Variants in DMRT1 observed in about 807,000 individuals in gnomAD.
The protein encoded by DMRT1 is doublesex- and mab-3-related transcription factor 1.
A neutral mutation model predicts 32.3 loss-of-function variants in DMRT1; 7 were observed. The observed-to-expected ratio is 0.22, with a 90% CI of 0.12 to 0.41. The LOEUF is 0.41. DMRT1 is among the 10% of genes least tolerant of loss of function. DMRT1 has a pLI of 1.00. For synonymous variants in DMRT1, 278 were observed against 206.1 expected, an observed-to-expected ratio of 1.35 and a Z score of -2.99; for missense variants, 625 against 500.5, an observed-to-expected ratio of 1.25 and a Z score of -2.37.
intron 3 of DMRT1, among the ~76,000 whole-genome samples, chr9:913,700 G>T (rs1438952140): frequency 6.6e-6 from 1 of 151,550 alleles, no homozygotes; most frequent in African/African-American, 2.4e-5. Flanking sequence ...TTTGAGACCA[G>T]CCTAGGCAAC....
intron 2 of DMRT1, among the ~76,000 whole-genome samples, chr9:882,760 CTT>C (rs1010078425): frequency 2.7e-4 from 32 of 118,302 alleles, no homozygotes; most frequent in African/African-American, 3.2e-4. Flanking sequence ...TCCCCTGAAT[CTT>C]TTTTTTTTTT....
At chr9:896,986 T>C (rs1817392817) in intron 3 of DMRT1, among the ~76,000 whole-genome samples, 2 of 152,080 alleles carry the variant, frequency 1.3e-5, no homozygotes, top group Non-Finnish European at 2.9e-5. Context: ...TGGGATCTTT[T>C]GCTACCCTCA....
intron 4 of DMRT1, among the ~76,000 whole-genome samples, chr9:919,531 AC>A: frequency 6.6e-6 from 1 of 152,244 alleles, no homozygotes; most frequent in Non-Finnish European, 1.5e-5. Context: ...ATCCTGAAAA[AC>A]GTTAAGAGGG....
chr9:915,975 T>C (rs111480840), intron 3 of DMRT1, among the ~76,000 whole-genome samples: 30,494 of 152,074 alleles, frequency 0.2, 4,188 homozygotes, highest in African/African-American at 0.39. Flanking sequence ...CCTTGTGATC[T>C]GCCCATCTTG....
intron 4 of DMRT1, among the ~76,000 whole-genome samples, chr9:945,227 C>T (rs1015839382): frequency 4.6e-5 from 7 of 152,148 alleles, no homozygotes; most frequent in African/African-American, 1.7e-4. Flanking sequence ...AATCTCAGCT[C>T]ACTGCAACCT....
intron 3 of DMRT1, among the ~76,000 whole-genome samples, chr9:911,847 A>G (rs1818001803): frequency 6.6e-6 from 1 of 152,154 alleles, no homozygotes; most frequent in Admixed American, 6.5e-5. Context: ...TTAGAAACAC[A>G]TAGAACTGTC....
intron 2 of DMRT1, among the ~76,000 whole-genome samples, chr9:864,628 A>G (rs1815885106): frequency 6.6e-6 from 1 of 151,732 alleles, no homozygotes; most frequent in South Asian, 2.1e-4. Flanking sequence ...CCTCCTGAGC[A>G]GCTGGGACTA....
intron 2 of DMRT1, among the ~76,000 whole-genome samples, chr9:865,386 A>G (rs1359727040): frequency 6.6e-6 from 1 of 152,110 alleles, no homozygotes; most frequent in Non-Finnish European, 1.5e-5. Context: ...TCTATCTAGG[A>G]TATCTTGTAG....
At chr9:948,907 AATAAT>A (rs1819336867) in intron 4 of DMRT1, among the ~76,000 whole-genome samples, 1 of 35,378 alleles carries the variant, frequency 2.8e-5, no homozygotes, top group Non-Finnish European at 8.2e-5. Context: ...AATACAAAAT[AATAAT>A]AATAATAATA....
Position 958,298 on chromosome 9 carries a change from A to T in DMRT1, c.968-9687A>T, listed in dbSNP as rs191160068. Among the ~76,000 whole-genome samples the T allele has an allele frequency of 9.6e-4, 147 of 152,358 alleles. 1 individual carries two copies. The highest frequency in any genetic ancestry group is 1.4e-3 in the Admixed American group (22 of 15,306). On this transcript the variant is annotated intron_variant, in intron 4 of 4. Transcript: ENST00000382276. ...TTTATTTTCAAATTATAAGCTGCAA[A>T]TTCTATAAAATTCTACTTGAGAAAT...
intron 4 of DMRT1, among the ~76,000 whole-genome samples, chr9:923,806 A>G (rs1379061729): frequency 2.0e-5 from 3 of 152,236 alleles, no homozygotes; most frequent in Non-Finnish European, 2.9e-5. Flanking sequence ...TTTATGCAAC[A>G]TTTAGAAAAT....
intron 3 of DMRT1, among the ~76,000 whole-genome samples, chr9:903,703 G>T (rs1016084174): frequency 6.6e-6 from 1 of 152,170 alleles, no homozygotes; most frequent in South Asian, 2.1e-4. Context: ...CATTTTTGGA[G>T]TGTGTTTTGG....
chr9:861,040 A>G (rs1258602126), intron 2 of DMRT1, among the ~76,000 whole-genome samples: 8 of 141,442 alleles, frequency 5.7e-5, no homozygotes, highest in Non-Finnish European at 1.0e-4. Context: ...GGTGTGATCT[A>G]ATTTACTTTC....
At chr9:897,860 C>T (rs577346423) in intron 3 of DMRT1, among the ~76,000 whole-genome samples, 5 of 151,944 alleles carry the variant, frequency 3.3e-5, no homozygotes, top group South Asian at 4.2e-4. Flanking sequence ...GACTGACATG[C>T]GAATATGGAC....
chr9:846,597 AAGAGACAGGG>A (rs1336341834), intron 1 of DMRT1, among the ~76,000 whole-genome samples: 1 of 151,552 alleles, frequency 6.6e-6, no homozygotes, highest in Non-Finnish European at 1.5e-5. Flanking sequence ...TTTGTTTGTT[AAGAGACAGGG>A]TCTTGCTCTG....
chr9:880,483 T>G (rs1211273518), intron 2 of DMRT1, among the ~76,000 whole-genome samples: 1 of 151,814 alleles, frequency 6.6e-6, no homozygotes, highest in Non-Finnish European at 1.5e-5. Context: ...TCCCAGCACT[T>G]TGGGAGGCTG....
intron 4 of DMRT1, among the ~76,000 whole-genome samples, chr9:960,820 C>T (rs759644576): frequency 9.2e-5 from 14 of 152,126 alleles, no homozygotes; most frequent in Non-Finnish European, 1.6e-4. Context: ...GCTGCCTCTT[C>T]GAGCTCAAGA....
chr9:870,738 G>A (rs968589621), intron 2 of DMRT1, among the ~76,000 whole-genome samples: 2 of 65,986 alleles, frequency 3.0e-5, no homozygotes, highest in Non-Finnish European at 5.6e-5. Flanking sequence ...TTGAGACAGG[G>A]TCTTACTCCA....
intron 4 of DMRT1, among the ~76,000 whole-genome samples, chr9:923,826 A>T (rs1412069752): frequency 6.6e-6 from 1 of 152,234 alleles, no homozygotes; most frequent in Non-Finnish European, 1.5e-5. Flanking sequence ...TGCTGAGTTT[A>T]ATTTAAACTT....
Sources: allele counts gnomAD v4.1 joint callset (sites outside exome capture counted in the v4.1 genomes callset), GRCh38; gene constraint gnomAD v4.1.1; transcripts MANE v1.5; gene names NCBI Gene and HGNC (gene_info 2026-07-23, HGNC 2026-07-21).